PMS1: variants seen among roughly 807,000 people sequenced by gnomAD.
The protein encoded by PMS1 is PMS1 protein homolog 1.
PMS1 carries 79 observed loss-of-function variants against 93.1 expected under a neutral mutation model. That is an observed-to-expected ratio of 0.85 (90% CI 0.71 to 1.02). The LOEUF is 1.02. PMS1 is among the 50% of genes least tolerant of loss of function. The pLI, the probability that PMS1 is intolerant of heterozygous loss-of-function variation, is 0.00. For synonymous variants in PMS1, 335 were observed against 363.4 expected, an observed-to-expected ratio of 0.92 and a Z score of 0.89; for missense variants, 1,064 against 1,085.3, an observed-to-expected ratio of 0.98 and a Z score of 0.28.
Position 189,864,103 on chromosome 2 carries a change from A to C in PMS1, c.2217A>C (p.Thr739=). The change falls in exon 10 of 13, where the codon ACA becomes ACC. Residue 739 remains threonine, a synonymous_variant. Transcript: ENST00000441310. ...GGTTTCCTGATGCATGGCTAATGAC[A>C]TCCAAAACAGAGGTAATGTTATTAA... ...NLRFPDAWLM[T]SKTEVMLLNP... 6.2e-7 allele frequency: 1 copy of C among 1,613,772 alleles called. No homozygotes were observed. The highest frequency in any genetic ancestry group is 1.3e-5 in the African/African-American group (1 of 75,002).
intron 2 of PMS1, 25 bp from the exon 3 acceptor site, chr2:189,795,743 TA>T: frequency 6.4e-7 from 1 of 1,563,292 alleles, no homozygotes; most frequent in Non-Finnish European, 8.8e-7. Flanking sequence ...TTTTACATAT[TA>T]AAAGTGTTTT....
intron 5 of PMS1, among the ~76,000 whole-genome samples, chr2:189,823,703 C>G (rs2052174832): frequency 6.6e-6 from 1 of 151,956 alleles, no homozygotes. Flanking sequence ...CTTTTTGTTT[C>G]AAAGAAACAT....
intron 4 of PMS1, among the ~76,000 whole-genome samples, chr2:189,811,589 T>C (rs56324258): frequency 0.12 from 17,665 of 151,766 alleles, 1,200 homozygotes; most frequent in Middle Eastern, 0.17. Flanking sequence ...GTGAGACTCT[T>C]GTCTTCAACA....
intron 7 of PMS1, among the ~76,000 whole-genome samples, chr2:189,853,669 C>T (rs1316108240): frequency 1.3e-5 from 2 of 151,802 alleles, no homozygotes; most frequent in East Asian, 3.9e-4. Context: ...GTTCCTGCCA[C>T]TATGCCCGGC....
chr2:189,875,210 A>T (rs1444867686), intron 12 of PMS1, among the ~76,000 whole-genome samples: 1 of 150,134 alleles, frequency 6.7e-6, no homozygotes, highest in Non-Finnish European at 1.5e-5. Context: ...TTGCTAGAAG[A>T]CTATCAGATA....
chr2:189,818,869 G>T (rs902471313), intron 5 of PMS1, among the ~76,000 whole-genome samples: 3 of 152,128 alleles, frequency 2.0e-5, no homozygotes, highest in Admixed American at 6.6e-5. Flanking sequence ...TCACAATTTA[G>T]TGACATTTTT....
intron 11 of PMS1, among the ~76,000 whole-genome samples, chr2:189,869,973 A>AT (rs1479052919): frequency 1.3e-5 from 2 of 152,056 alleles, no homozygotes; most frequent in African/African-American, 4.8e-5. Context: ...TGTAAGTAGT[A>AT]TTTTTTTAAA....
At chr2:189,795,713 G>A (rs1396772687) in intron 2 of PMS1, 56 bp from the exon 3 acceptor site, 2 of 1,333,536 alleles carry the variant, frequency 1.5e-6, no homozygotes, top group Non-Finnish European at 2.2e-6. Context: ...TTCTTTCTAA[G>A]TGTGATAACA....
intron 9 of PMS1, among the ~76,000 whole-genome samples, chr2:189,863,381 G>A (rs774227813): frequency 6.6e-6 from 1 of 151,774 alleles, no homozygotes; most frequent in Non-Finnish European, 1.5e-5. Flanking sequence ...AGCCTTCTGA[G>A]TAGCTGGGAC....
chr2:189,844,197 T>C, intron 6 of PMS1, 117 bp downstream of exon 6: 2 of 1,532,258 alleles, frequency 1.3e-6, no homozygotes, highest in South Asian at 2.4e-5. Context: ...TAATCAAATA[T>C]GTGTGTAAGG....
At chr2:189,867,742 G>GT in intron 10 of PMS1, 57 bp from the exon 11 acceptor site, 2 of 1,327,112 alleles carry the variant, frequency 1.5e-6, no homozygotes, top group Non-Finnish European at 2.2e-6. Flanking sequence ...ACTTTTTCCC[G>GT]TAAACCCCCT....
intron 3 of PMS1, among the ~76,000 whole-genome samples, chr2:189,803,519 C>T (rs993568295): frequency 3.3e-5 from 5 of 152,172 alleles, no homozygotes; most frequent in African/African-American, 1.2e-4. Context: ...CACCATTCCT[C>T]AATGTCTCTA....
chr2:189,803,553 G>A (rs2050076758), intron 3 of PMS1, among the ~76,000 whole-genome samples: 1 of 152,130 alleles, frequency 6.6e-6, no homozygotes, highest in Non-Finnish European at 1.5e-5. Flanking sequence ...GTAATAGTGT[G>A]TACTGTTAGA....
At chr2:189,812,879 C>A (rs13426721) in intron 4 of PMS1, among the ~76,000 whole-genome samples, 6 of 152,034 alleles carry the variant, frequency 3.9e-5, no homozygotes, top group African/African-American at 1.4e-4. Flanking sequence ...AAAGTGGTAG[C>A]GTAGGTGTTA....
chr2:189,812,801 A>G lies in PMS1; in HGVS notation c.419-5216A>G, dbSNP rs114103533. ...CCAATTAAAGCATATAAAATGGAGT[A>G]CTGAGAATGACATGACAGAATTCAG... On this transcript the variant is annotated intron_variant, in intron 4 of 12. Coordinates refer to ENST00000441310, the MANE Select transcript of PMS1 (RefSeq NM_000534.5). Among the ~76,000 whole-genome samples the G allele has an allele frequency of 4.2e-3, 637 of 152,346 alleles. 4 individuals are homozygous for G. The highest frequency in any genetic ancestry group is 0.015 in the African/African-American group (608 of 41,586).
chr2:189,806,004 A>G (rs114656673), intron 4 of PMS1: 13,072 of 1,247,914 alleles, frequency 0.01, 82 homozygotes, highest in Non-Finnish European at 0.013. Context: ...CTCTGTAAAA[A>G]CTAAGAGTAT....
intron 12 of PMS1, 138 bp downstream of exon 12, chr2:189,873,794 G>C (rs1034227897): frequency 4.7e-6 from 3 of 637,856 alleles, no homozygotes; most frequent in South Asian, 3.5e-5. Context: ...CCTTCTGTCA[G>C]ATCAGTGGCA....
chr2:189,806,468 G>A, intron 4 of PMS1: 1 of 294,100 alleles, frequency 3.4e-6, no homozygotes, highest in South Asian at 3.6e-5. Flanking sequence ...CATCATCTTG[G>A]TTCACTGCAA....
chr2:189,855,078 A>G lies in PMS1; in HGVS notation c.1806A>G (p.Thr602=). 1 of 1,613,452 alleles carries G rather than the reference A, an allele frequency of 6.2e-7. No individual in the cohort carries two copies. Among genetic ancestry groups the G allele is most frequent in the Non-Finnish European group, 8.5e-7 (1 of 1,179,496 alleles). ...CTAAGACTAGTTTAGAGGATGCAAC[A>G]CTACAAATTGAAGAACTGTGGAAGA... ...ENPKTSLEDA[T]LQIEELWKTL... Residue 602 remains threonine (T), a synonymous_variant, in exon 9 of 13, where the codon ACA becomes ACG. Transcript: ENST00000441310.
Sources: gnomAD v4.1 joint callset for allele counts (sites outside exome capture counted in the v4.1 genomes callset) on GRCh38, gnomAD v4.1.1 for gene constraint, MANE v1.5 for transcripts, NCBI Gene and HGNC (gene_info 2026-07-23, HGNC 2026-07-21) for gene names.